BLOC1S5: variants seen among roughly 807,000 people sequenced by gnomAD.
The protein encoded by BLOC1S5 is biogenesis of lysosomal organelles complex 1 subunit 5.
BLOC1S5 carries 27 observed loss-of-function variants against 24.3 expected under a neutral mutation model. The observed-to-expected ratio is 1.11, with a 90% CI of 0.82 to 1.53. BLOC1S5 has a LOEUF of 1.53. BLOC1S5 is among the 40% of genes most tolerant of loss of function. The pLI, the probability that BLOC1S5 is intolerant of heterozygous loss-of-function variation, is 0.00. For missense variants in BLOC1S5, 239 were observed against 229.4 expected, an observed-to-expected ratio of 1.04 and a Z score of -0.27; for synonymous variants, 84 against 74.5, an observed-to-expected ratio of 1.13 and a Z score of -0.66.
intron 3 of BLOC1S5, among the ~76,000 whole-genome samples, chr6:8,034,002 G>A (rs1006246466): frequency 6.6e-6 from 1 of 152,218 alleles, no homozygotes; most frequent in Non-Finnish European, 1.5e-5. Context: ...AGGATGTGGA[G>A]AAACAGGATC....
At chr6:8,016,401 A>G (rs1762736495) in intron 4 of BLOC1S5, among the ~76,000 whole-genome samples, 1 of 152,142 alleles carries the variant, frequency 6.6e-6, no homozygotes, top group African/African-American at 2.4e-5. Context: ...GTATTTTTTC[A>G]TATTTCTATT....
At chr6:8,030,164 AT>A (rs1010541735) in intron 3 of BLOC1S5, among the ~76,000 whole-genome samples, 4 of 151,894 alleles carry the variant, frequency 2.6e-5, no homozygotes, top group Non-Finnish European at 5.9e-5. Context: ...GATTAGAACA[AT>A]TTTTTTTCTT....
rs146626776 is a variant in BLOC1S5, at chr6:8,046,871, G to A, written c.196-5603C>T. Among the ~76,000 whole-genome samples, 985 of 152,030 alleles carry A rather than the reference G, an allele frequency of 6.5e-3. 5 individuals are homozygous for A. The highest frequency in any genetic ancestry group is 8.9e-3 in the Non-Finnish European group (606 of 67,972). ...GCTCACTGCAGCCTTGAACTCCTGGGCTCAAGCAATCCTCCTGTCTCAGCC... is the reference window on the plus strand; with the variant it reads ...GCTCACTGCAGCCTTGAACTCCTGGACTCAAGCAATCCTCCTGTCTCAGCC... On this transcript the variant is annotated intron_variant, in intron 2 of 4. Coordinates refer to ENST00000397457, the MANE Select transcript of BLOC1S5 (RefSeq NM_201280.3).
intron 3 of BLOC1S5, among the ~76,000 whole-genome samples, chr6:8,031,009 C>T (rs191721293): frequency 6.6e-6 from 1 of 152,196 alleles, no homozygotes; most frequent in East Asian, 1.9e-4. Context: ...TACGACAAAC[C>T]CACAGCCAAC....
intron 4 of BLOC1S5, among the ~76,000 whole-genome samples, chr6:8,025,789 T>C (rs919491824): frequency 6.6e-6 from 1 of 152,204 alleles, no homozygotes; most frequent in African/African-American, 2.4e-5. Flanking sequence ...GTATATTCAT[T>C]AGTTTAGAGC....
Position 8,059,811 on chromosome 6 carries a change from A to T in BLOC1S5, c.195+2723T>A, listed in dbSNP as rs536840822. Among the ~76,000 whole-genome samples, 5 of 152,352 alleles carry T rather than the reference A, an allele frequency of 3.3e-5. No individual in the cohort carries two copies. The East Asian group carries it at 7.7e-4, about 23-fold the overall frequency. On this transcript the variant is annotated intron_variant, in intron 2 of 4. Coordinates refer to ENST00000397457, the MANE Select transcript of BLOC1S5 (RefSeq NM_201280.3). ...ACTGTGTGAAAAGACTGGATCAAGT[A>T]CTTTTCAAGAAAAGCAACTCAAACT...
intron 4 of BLOC1S5, among the ~76,000 whole-genome samples, chr6:8,024,186 C>T (rs1763028013): frequency 1.3e-5 from 2 of 151,664 alleles, no homozygotes; most frequent in African/African-American, 4.8e-5. Context: ...AATATATATT[C>T]TATAAAAATT....
chr6:8,046,252 G>T (rs952267077), intron 2 of BLOC1S5, among the ~76,000 whole-genome samples: 1 of 152,006 alleles, frequency 6.6e-6, no homozygotes, highest in Non-Finnish European at 1.5e-5. Context: ...AGTGCCTTTC[G>T]CCAGCCACCA....
intron 2 of BLOC1S5, among the ~76,000 whole-genome samples, chr6:8,060,107 G>A (rs1421984934): frequency 6.6e-6 from 1 of 152,156 alleles, no homozygotes; most frequent in Non-Finnish European, 1.5e-5. Flanking sequence ...GCCATATAGA[G>A]AAGTAAATTA....
At position 8,040,640 on chromosome 6, in the gene BLOC1S5, C is replaced by T. The variant is rs182732353; in HGVS notation, c.325+499G>A. On this transcript the variant is annotated intron_variant, in intron 3 of 4. Transcript: ENST00000397457. ...TTGGGAGGCCGAGGCAGGTGGATCA[C>T]GAGTCAAGAGATCAAGACCACCTTG... Among the ~76,000 whole-genome samples the T allele has an allele frequency of 3.4e-4, 52 of 152,138 alleles. No individual in the cohort carries two copies. In the East Asian group the frequency reaches 8.7e-3, roughly 26 times the overall value.
intron 4 of BLOC1S5, among the ~76,000 whole-genome samples, chr6:8,019,041 T>C (rs1472227966): frequency 6.6e-6 from 1 of 152,204 alleles, no homozygotes; most frequent in East Asian, 1.9e-4. Flanking sequence ...ATTTCTATTG[T>C]GTAGTTTCAG....
intron 4 of BLOC1S5, among the ~76,000 whole-genome samples, chr6:8,024,864 C>T (rs992442783): frequency 2.6e-5 from 4 of 152,308 alleles, no homozygotes; most frequent in Non-Finnish European, 4.4e-5. Context: ...AGTTTGCAAA[C>T]GAGGAGCTGG....
intron 1 of BLOC1S5, among the ~76,000 whole-genome samples, chr6:8,063,978 A>C (rs1757354926): frequency 6.6e-6 from 1 of 152,152 alleles, no homozygotes; most frequent in East Asian, 1.9e-4. Context: ...AGGCTGCCCA[A>C]AGGCTCTGCG....
chr6:8,032,790 A>G (rs1371052372), intron 3 of BLOC1S5, among the ~76,000 whole-genome samples: 2 of 152,248 alleles, frequency 1.3e-5, no homozygotes, highest in African/African-American at 4.8e-5. Context: ...CTCAGGATAC[A>G]AAATCAATGT....
intron 2 of BLOC1S5, among the ~76,000 whole-genome samples, chr6:8,044,719 G>A (rs1420893637): frequency 1.3e-5 from 2 of 152,200 alleles, no homozygotes; most frequent in Non-Finnish European, 2.9e-5. Flanking sequence ...TTATGCTTTA[G>A]CAAAGAGACT....
intron 2 of BLOC1S5, among the ~76,000 whole-genome samples, chr6:8,045,241 G>C (rs115474554): frequency 0.032 from 4,836 of 152,314 alleles, 239 homozygotes; most frequent in African/African-American, 0.1. Flanking sequence ...CCCAGGCTTT[G>C]GCAGCTTCCA....
intron 2 of BLOC1S5, among the ~76,000 whole-genome samples, chr6:8,047,160 T>TCTCTCTCACACACACACACA (rs1475934039): frequency 7.9e-6 from 1 of 126,922 alleles, no homozygotes; most frequent in African/African-American, 3.2e-5. Context: ...TCTCTCTCTC[T>TCTCTCTCACACACACACACA]CACACACACA....
At chr6:8,022,070 T>C (rs1207313660) in intron 4 of BLOC1S5, among the ~76,000 whole-genome samples, 1 of 152,054 alleles carries the variant, frequency 6.6e-6, no homozygotes, top group Non-Finnish European at 1.5e-5. Flanking sequence ...AAGATCGGCA[T>C]CTAGAACCAG....
At chr6:8,024,895 G>A (rs1763056039) in intron 4 of BLOC1S5, among the ~76,000 whole-genome samples, 1 of 152,204 alleles carries the variant, frequency 6.6e-6, no homozygotes, top group South Asian at 2.1e-4. Context: ...ATTTGTCCAA[G>A]GGCTTATAGC....
Sources: gnomAD v4.1 joint callset for allele counts (sites outside exome capture counted in the v4.1 genomes callset) on GRCh38, gnomAD v4.1.1 for gene constraint, MANE v1.5 for transcripts, NCBI Gene and HGNC (gene_info 2026-07-23, HGNC 2026-07-21) for gene names.